Variants in FOXP1 observed in about 807,000 individuals in gnomAD.
The protein encoded by FOXP1 is forkhead box P1, also known as forkhead box protein P1.
In FOXP1, 15 loss-of-function variants were observed where a neutral mutation model predicts 98.2. The observed-to-expected ratio is 0.15, with a 90% CI of 0.10 to 0.24. The LOEUF is 0.24. FOXP1 is among the 10% of genes least tolerant of loss of function. The pLI, the probability that FOXP1 is intolerant of heterozygous loss-of-function variation, is 1.00. For synonymous variants in FOXP1, 371 were observed against 314.5 expected (o/e 1.18, Z -1.90); for missense variants, 633 against 848.5 (o/e 0.75, Z 3.15).
At chr3:71,006,937 G>A (rs1266321535) in intron 12 of FOXP1, among the ~76,000 whole-genome samples, 1 of 152,110 alleles carries the variant, frequency 6.6e-6, no homozygotes, top group Middle Eastern at 3.2e-3. Flanking sequence ...TTTGAGCAAA[G>A]AGGTGGCACT....
chr3:71,389,845 G>A (rs1358444718), intron 3 of FOXP1, among the ~76,000 whole-genome samples: 3 of 149,922 alleles, frequency 2.0e-5, no homozygotes, highest in Admixed American at 6.7e-5. Flanking sequence ...GCTGTTAAAT[G>A]TTGGCATTCT....
At chr3:71,568,971 C>T (rs2047127619) in intron 2 of FOXP1, among the ~76,000 whole-genome samples, 2 of 152,310 alleles carry the variant, frequency 1.3e-5, no homozygotes, top group South Asian at 4.1e-4. Context: ...TCAAATGCCT[C>T]ATAAGACTTG....
intron 5 of FOXP1, among the ~76,000 whole-genome samples, chr3:71,254,108 A>G (rs2068437891): frequency 6.6e-6 from 1 of 152,214 alleles, no homozygotes; most frequent in Non-Finnish European, 1.5e-5. Flanking sequence ...ACAAATCTAT[A>G]AGAAATTTTA....
At chr3:71,582,311 G>C (rs1447130308) in intron 1 of FOXP1, 11 of 973,276 alleles carry the variant, frequency 1.1e-5, no homozygotes, top group South Asian at 9.5e-5. Context: ...GCGGGGGCGA[G>C]GGAAGGCGGA....
intron 5 of FOXP1, among the ~76,000 whole-genome samples, chr3:71,212,000 A>G (rs2064506987): frequency 6.6e-6 from 1 of 152,200 alleles, no homozygotes; most frequent in Non-Finnish European, 1.5e-5. Flanking sequence ...ATAAAACCTA[A>G]CCAATGATAT....
chr3:71,505,635 C>T (rs2041762814), intron 2 of FOXP1, among the ~76,000 whole-genome samples: 1 of 152,088 alleles, frequency 6.6e-6, no homozygotes, highest in Non-Finnish European at 1.5e-5. Context: ...CCGTGTTAGC[C>T]AGGATAGTCT....
chr3:71,252,457 G>A (rs780579977), intron 5 of FOXP1, among the ~76,000 whole-genome samples: 3 of 152,202 alleles, frequency 2.0e-5, no homozygotes, highest in Non-Finnish European at 2.9e-5. Flanking sequence ...TTCCTTGAGA[G>A]AGTGGAGCTA....
intron 6 of FOXP1, among the ~76,000 whole-genome samples, chr3:71,122,729 A>G (rs1015526086): frequency 2.0e-4 from 31 of 152,334 alleles, no homozygotes; most frequent in Admixed American, 1.7e-3. Flanking sequence ...GGGCAAACAG[A>G]GACAGATTGT....
intron 13 of FOXP1, among the ~76,000 whole-genome samples, 169 bp from the exon 14 acceptor site, chr3:70,988,246 G>T (rs559697176): frequency 6.6e-6 from 1 of 152,216 alleles, no homozygotes; most frequent in Non-Finnish European, 1.5e-5. Context: ...CGAAGTAACC[G>T]GAGGTGTTGG....
At chr3:71,441,748 C>T (rs986825563) in intron 3 of FOXP1, among the ~76,000 whole-genome samples, 1 of 152,148 alleles carries the variant, frequency 6.6e-6, no homozygotes, top group Non-Finnish European at 1.5e-5. Flanking sequence ...GCCAGGGCAC[C>T]AGTGCTCAAC....
At chr3:71,432,547 A>G (rs1391088050) in intron 3 of FOXP1, among the ~76,000 whole-genome samples, 2 of 152,106 alleles carry the variant, frequency 1.3e-5, no homozygotes, top group South Asian at 2.1e-4. Context: ...CAGGTCCCCT[A>G]GGCTACGCCC....
intron 5 of FOXP1, among the ~76,000 whole-genome samples, chr3:71,282,142 G>A (rs907655427): frequency 1.3e-5 from 2 of 151,962 alleles, no homozygotes; most frequent in African/African-American, 2.4e-5. Context: ...AAGATAAGCC[G>A]AGAAGATCCC....
intron 4 of FOXP1, among the ~76,000 whole-genome samples, chr3:71,328,074 G>A (rs2076029661): frequency 6.6e-6 from 1 of 152,138 alleles, no homozygotes; most frequent in African/African-American, 2.4e-5. Context: ...GAAATTAGTA[G>A]TGTTCAAGAT....
intron 5 of FOXP1, among the ~76,000 whole-genome samples, chr3:71,252,032 A>C (rs1032689459): frequency 4.6e-5 from 7 of 152,226 alleles, no homozygotes; most frequent in Non-Finnish European, 1.0e-4. Context: ...GATCTAATTT[A>C]GTTCTGGCCA....
At chr3:70,960,460 A>G (rs2033103934) in intron 20 of FOXP1, among the ~76,000 whole-genome samples, 1 of 152,224 alleles carries the variant, frequency 6.6e-6, no homozygotes, top group Non-Finnish European at 1.5e-5. Flanking sequence ...CGCTCGGATA[A>G]CTATTGAGAA....
chr3:71,101,887 A>T (rs72947456), intron 7 of FOXP1, among the ~76,000 whole-genome samples: 1 of 152,292 alleles, frequency 6.6e-6, no homozygotes, highest in African/African-American at 2.4e-5. Context: ...AAGTTCTTCA[A>T]TGGGACATAA....
chr3:71,568,953 C>T (rs1298596238), intron 2 of FOXP1, among the ~76,000 whole-genome samples: 1 of 152,176 alleles, frequency 6.6e-6, no homozygotes, highest in African/African-American at 2.4e-5. Flanking sequence ...AGCCTGTTCT[C>T]TGAATTTTCA....
intron 13 of FOXP1, among the ~76,000 whole-genome samples, chr3:70,996,137 T>C (rs7615404): frequency 0.28 from 42,091 of 152,068 alleles, 7,185 homozygotes; most frequent in East Asian, 0.63. Context: ...CAGGCATGTA[T>C]CACTGTGCCT....
intron 3 of FOXP1, among the ~76,000 whole-genome samples, chr3:71,465,348 G>A (rs2088598345): frequency 6.7e-6 from 1 of 150,206 alleles, no homozygotes; most frequent in Admixed American, 6.6e-5. Context: ...AGAAGAAGAA[G>A]AAGAGGGCCA....
Sources: allele counts gnomAD v4.1 joint callset (sites outside exome capture counted in the v4.1 genomes callset), GRCh38; gene constraint gnomAD v4.1.1; transcripts MANE v1.5; gene names NCBI Gene and HGNC (gene_info 2026-07-23, HGNC 2026-07-21).